CNBD1: variants seen among roughly 807,000 people sequenced by gnomAD.
CNBD1 encodes the protein cyclic nucleotide binding domain containing 1.
A neutral mutation model predicts 54.4 loss-of-function variants in CNBD1; 71 were observed. The ratio of observed to expected loss-of-function variants is 1.30; its 90% CI spans 1.08 to 1.59. The LOEUF is 1.59. CNBD1 is among the 40% of genes most tolerant of loss of function. The probability of loss-of-function intolerance (pLI) is 0.00; values close to 1 mark genes in which losing one functional copy is unlikely to be tolerated. For missense variants in CNBD1, 659 were observed against 518.0 expected (o/e 1.27, Z -2.64); for synonymous variants, 182 against 170.7 (o/e 1.07, Z -0.51).
At chr8:87,327,452 C>G (rs565748677) in intron 8 of CNBD1, among the ~76,000 whole-genome samples, 15 of 152,268 alleles carry the variant, frequency 9.9e-5, no homozygotes, top group Middle Eastern at 3.4e-3. Flanking sequence ...TAGCAATCAG[C>G]GAGATTCCGT....
At chr8:87,230,090 G>T (rs1814640769) in intron 5 of CNBD1, among the ~76,000 whole-genome samples, 2 of 152,180 alleles carry the variant, frequency 1.3e-5, no homozygotes, top group Admixed American at 1.3e-4. Flanking sequence ...TGGGAGCCAA[G>T]ACTTTATATA....
At chr8:87,362,903 G>A (rs797018670) in intron 10 of CNBD1, among the ~76,000 whole-genome samples, 2 of 151,832 alleles carry the variant, frequency 1.3e-5, no homozygotes, top group East Asian at 1.9e-4. Context: ...AGTTAAGAAC[G>A]TGCAGGTTTG....
chr8:87,321,937 A>G (rs1444894985), intron 8 of CNBD1, among the ~76,000 whole-genome samples: 5 of 147,418 alleles, frequency 3.4e-5, no homozygotes, highest in Non-Finnish European at 7.5e-5. Context: ...ATATCTCCCA[A>G]TGCTATGCCT....
chr8:87,381,744 A>T (rs1434206580), intron 10 of CNBD1, among the ~76,000 whole-genome samples: 3 of 152,014 alleles, frequency 2.0e-5, no homozygotes, highest in Non-Finnish European at 4.4e-5. Flanking sequence ...ACATGAAATA[A>T]GCCAGTCACA....
At chr8:87,383,476 C>T (rs1811128790), downstream of CNBD1, among the ~76,000 whole-genome samples, 3 of 152,120 alleles carry the variant, frequency 2.0e-5, no homozygotes, top group Admixed American at 6.5e-5. Flanking sequence ...TTTAATTTTT[C>T]TGTCATTCCC....
intron 8 of CNBD1, among the ~76,000 whole-genome samples, chr8:87,334,029 T>C (rs115781957): frequency 0.022 from 3,287 of 152,290 alleles, 134 homozygotes; most frequent in African/African-American, 0.074. Flanking sequence ...TTTTGGTCGG[T>C]AGGCTGTTTA....
chr8:87,024,557 G>A (rs1325971333), intron 4 of CNBD1, among the ~76,000 whole-genome samples: 2 of 151,896 alleles, frequency 1.3e-5, no homozygotes, highest in Non-Finnish European at 2.9e-5. Flanking sequence ...GGCCAGGCTG[G>A]TCTCAAACTC....
In CNBD1 at chr8:87,154,741, A is replaced by G. The variant is rs545609511; in HGVS notation, c.432-51252A>G. 3.3e-5 allele frequency among the ~76,000 whole-genome samples: 5 copies of G among 152,300 alleles called. No homozygotes were observed. The South Asian group carries it at 1.0e-3, about 32-fold the overall frequency. Reference sequence around the variant, plus strand: ...TTAAATACACCTTGAAGTTGATATTAGAACCTAGACTGGGTGGTGGAGGAG... The same window carrying G: ...TTAAATACACCTTGAAGTTGATATTGGAACCTAGACTGGGTGGTGGAGGAG... On this transcript the variant is annotated intron_variant, in intron 4 of 10. Transcript: ENST00000518476.
At chr8:87,424,478 T>C (rs1174966399) in intron 2 of CNBD1, among the ~76,000 whole-genome samples, 1 of 152,232 alleles carries the variant, frequency 6.6e-6, no homozygotes, top group African/African-American at 2.4e-5. Flanking sequence ...ATGTTGTGTC[T>C]TTGTTCTCAC....
In CNBD1 at chr8:87,374,707, C is replaced by A. The variant is rs190815190; in HGVS notation, c.1304-7913C>A. Among the ~76,000 whole-genome samples the A allele has an allele frequency of 3.7e-3, 559 of 151,878 alleles. 3 individuals carry two copies. Among genetic ancestry groups the A allele is most frequent in the African/African-American group, 0.013 (523 of 41,474 alleles). The stretch of plus-strand genomic sequence containing the variant: ...CCTGGCCATGAAATATATGATTTTT[C>A]CATGATCTCACTCACTGTCTGGAAG... On this transcript the variant is annotated intron_variant, in intron 10 of 10. Coordinates refer to ENST00000518476, the MANE Select transcript of CNBD1 (RefSeq NM_173538.3).
chr8:87,229,703 ATT>A (rs1210599577), intron 5 of CNBD1, among the ~76,000 whole-genome samples: 1 of 152,050 alleles, frequency 6.6e-6, no homozygotes, highest in East Asian at 1.9e-4. Context: ...AATAAGGATC[ATT>A]TTCCTTTTTT....
intron 4 of CNBD1, among the ~76,000 whole-genome samples, chr8:86,987,740 CTG>C (rs2130520917): frequency 1.3e-5 from 2 of 152,194 alleles, no homozygotes; most frequent in South Asian, 4.1e-4. Flanking sequence ...CAAAGCTTTT[CTG>C]TGTCTATTGA....
At chr8:87,200,810 G>A (rs1661072918) in intron 4 of CNBD1, among the ~76,000 whole-genome samples, 2 of 152,196 alleles carry the variant, frequency 1.3e-5, no homozygotes, top group South Asian at 2.1e-4. Context: ...GGTTTCACTG[G>A]TAATTTCTGC....
chr8:87,413,140 C>A (rs565152259), intron 2 of CNBD1, among the ~76,000 whole-genome samples: 1 of 152,026 alleles, frequency 6.6e-6, no homozygotes, highest in East Asian at 1.9e-4. Flanking sequence ...GATATGCGGC[C>A]TTATATCCTT....
chr8:86,954,518 TTTATC>T (rs1563835323), intron 4 of CNBD1, among the ~76,000 whole-genome samples: 1 of 152,232 alleles, frequency 6.6e-6, no homozygotes, highest in Non-Finnish European at 1.5e-5. Context: ...AGCCATTAGC[TTTATC>T]TTATCTAATT....
intron 2 of CNBD1, among the ~76,000 whole-genome samples, chr8:86,892,173 A>T: frequency 6.6e-6 from 1 of 152,006 alleles, no homozygotes; most frequent in Non-Finnish European, 1.5e-5. Context: ...TTCACCTTTG[A>T]GTATAGTGTT....
chr8:87,087,236 T>C (rs187822006), intron 4 of CNBD1, among the ~76,000 whole-genome samples: 58 of 140,368 alleles, frequency 4.1e-4, no homozygotes, highest in East Asian at 1.9e-3. Context: ...CACACACACA[T>C]ATATATATAC....
At chr8:86,941,498 G>C (rs907285775) in intron 4 of CNBD1, among the ~76,000 whole-genome samples, 10 of 152,162 alleles carry the variant, frequency 6.6e-5, no homozygotes, top group African/African-American at 2.2e-4. Flanking sequence ...GGCTGTAAGA[G>C]TTTTAATGGC....
chr8:87,133,689 T>G (rs1812167198), intron 4 of CNBD1, among the ~76,000 whole-genome samples: 1 of 145,170 alleles, frequency 6.9e-6, no homozygotes, highest in Admixed American at 6.8e-5. Flanking sequence ...TACAACCTCT[T>G]TTAAAGTAAA....
Sources: gnomAD v4.1 joint callset for allele counts (sites outside exome capture counted in the v4.1 genomes callset) on GRCh38, gnomAD v4.1.1 for gene constraint, MANE v1.5 for transcripts, NCBI Gene and HGNC (gene_info 2026-07-23, HGNC 2026-07-21) for gene names.